Variants in ANLN observed in about 807,000 individuals in gnomAD.
ANLN encodes anillin, actin binding protein, also known as anillin.
In ANLN, 59 loss-of-function variants were observed where a neutral mutation model predicts 135.1. The ratio of observed to expected loss-of-function variants is 0.44; its 90% CI spans 0.35 to 0.54. The LOEUF (loss-of-function observed/expected upper bound fraction) is 0.54. Among genes scored for constraint, ANLN ranks in the 20% least tolerant of loss-of-function variants. ANLN has a pLI of 0.00. For missense variants in ANLN, 1,182 were observed against 1,340.0 expected (o/e 0.88, Z 1.84); for synonymous variants, 406 against 456.4 (o/e 0.89, Z 1.41).
At chr7:36,441,317 A>G (rs1051415949) in intron 21 of ANLN, among the ~76,000 whole-genome samples, 1 of 152,196 alleles carries the variant, frequency 6.6e-6, no homozygotes, top group Non-Finnish European at 1.5e-5. Flanking sequence ...CCTGTAGCCC[A>G]TTCTTCTCAC....
intron 8 of ANLN, 57 bp downstream of exon 8, chr7:36,415,941 T>G: frequency 7.2e-7 from 1 of 1,391,490 alleles, no homozygotes; most frequent in Non-Finnish European, 9.7e-7. Flanking sequence ...GATGTTTGTG[T>G]GTTGATTTTG....
intron 20 of ANLN, among the ~76,000 whole-genome samples, chr7:36,427,320 A>C (rs1442960802): frequency 6.6e-6 from 1 of 151,786 alleles, no homozygotes; most frequent in South Asian, 2.1e-4. Context: ...TTAAGTTTAT[A>C]ATTTTAAAAC....
At chr7:36,443,888 G>A (rs758784323) in intron 22 of ANLN, 26 bp downstream of exon 22, 6 of 1,506,200 alleles carry the variant, frequency 4.0e-6, no homozygotes, top group Admixed American at 1.9e-5. Context: ...CTGTTTAGTG[G>A]TGAAAGCCCT....
intron 3 of ANLN, 42 bp from the exon 4 acceptor site, chr7:36,406,139 T>C (rs747269218): frequency 6.5e-7 from 1 of 1,545,096 alleles, no homozygotes; most frequent in East Asian, 2.3e-5. Context: ...TAAGCATTAC[T>C]CTTAAACATG....
chr7:36,402,722 A>T (rs1787007449), intron 3 of ANLN, among the ~76,000 whole-genome samples: 2 of 151,954 alleles, frequency 1.3e-5, no homozygotes. Flanking sequence ...CATGTTACTT[A>T]CCTCTGCTTT....
rs70977138 is a variant in ANLN at position 36,417,674 on chromosome 7, C to CTTTTTTT, written c.1633+501_1633+507dup. Among the ~76,000 whole-genome samples, 349 of 97,264 alleles carry CTTTTTTT rather than the reference C, an allele frequency of 3.6e-3. 9 individuals are homozygous for CTTTTTTT. Among genetic ancestry groups the CTTTTTTT allele is most frequent in the Non-Finnish European group, 5.7e-3 (284 of 49,796 alleles). The allele number at this position is 97,264 out of a possible 152,430, so 63.8% of individuals were successfully genotyped here. Reference sequence around the variant, plus strand: ...TGCAAGTCCAGGCCTCTCAAACTTCCTTTTTTTTTTTTTTTTTTTTTTTGA... The same window carrying CTTTTTTT: ...TGCAAGTCCAGGCCTCTCAAACTTCCTTTTTTTTTTTTTTTTTTTTTTTTTTTTTTGA... On this transcript the variant is annotated intron_variant, in intron 9 of 23. Transcript: ENST00000265748.
At chr7:36,416,323 G>A (rs1787641462) in intron 8 of ANLN, among the ~76,000 whole-genome samples, 1 of 152,090 alleles carries the variant, frequency 6.6e-6, no homozygotes, top group Admixed American at 6.6e-5. Flanking sequence ...CCAGCCCAGG[G>A]TTTTCTACAT....
intron 12 of ANLN, among the ~76,000 whole-genome samples, chr7:36,421,352 G>A (rs964975774): frequency 2.6e-5 from 4 of 151,998 alleles, no homozygotes; most frequent in Non-Finnish European, 4.4e-5. Context: ...ACAGGCATGA[G>A]CCACCATGCC....
intron 9 of ANLN, among the ~76,000 whole-genome samples, chr7:36,418,917 C>A (rs1466899152): frequency 6.6e-6 from 1 of 151,972 alleles, no homozygotes. Flanking sequence ...CCACGCCTGG[C>A]TAATTTTTTT....
At chr7:36,394,791 G>A (rs974097004) in intron 1 of ANLN, among the ~76,000 whole-genome samples, 3 of 152,238 alleles carry the variant, frequency 2.0e-5, no homozygotes, top group Non-Finnish European at 4.4e-5. Flanking sequence ...GAGTATGCAA[G>A]GCAGTAATAA....
At chr7:36,451,614 C>G (rs1454507965) in intron 23 of ANLN, among the ~76,000 whole-genome samples, 1 of 152,162 alleles carries the variant, frequency 6.6e-6, no homozygotes, top group East Asian at 1.9e-4. Flanking sequence ...GTTTCCAGTA[C>G]ATGGAATGAG....
chr7:36,392,149 A>G (rs1786501871), intron 1 of ANLN, among the ~76,000 whole-genome samples: 2 of 152,222 alleles, frequency 1.3e-5, no homozygotes, highest in Non-Finnish European at 2.9e-5. Context: ...TATAATTAAA[A>G]TACTTCACAG....
intron 23 of ANLN, among the ~76,000 whole-genome samples, chr7:36,450,682 A>G (rs998875127): frequency 6.6e-6 from 1 of 152,154 alleles, no homozygotes; most frequent in East Asian, 1.9e-4. Context: ...TTTTAACTCA[A>G]TTATTTCAGG....
At chr7:36,447,600 A>T (rs183891724) in intron 22 of ANLN, among the ~76,000 whole-genome samples, 3,092 of 150,794 alleles carry the variant, frequency 0.021, 49 homozygotes, top group Middle Eastern at 0.058. Context: ...AATTTTTTGT[A>T]TTTTTTTAGT....
In ANLN at chr7:36,390,033, C is replaced by G. The variant is rs755053276; in HGVS notation, c.7C>G (p.Pro3Ala). The change falls in exon 1 of 24, where the codon CCG (proline) becomes GCG (alanine). Residue 3 changes from proline to alanine, a missense_variant. Physicochemically the swap from Pro to Ala is conservative, Grantham distance 27 (BLOSUM62 -1). Coordinates refer to ENST00000265748, the MANE Select transcript of ANLN (RefSeq NM_018685.5). ...TAGTCCGACGCCTGGGGCGATGGAT[C>G]CGTTTACGGAGGTGAGTGAGTTTGC... MD[P>A]FTEKLLERTR... is the part of the protein sequence containing the mutation. The G allele has an allele frequency of 6.2e-7, 1 of 1,614,034 alleles. No individual in the cohort carries two copies. The highest frequency in any genetic ancestry group is 1.1e-5 in the South Asian group (1 of 91,080).
intron 20 of ANLN, among the ~76,000 whole-genome samples, chr7:36,431,080 G>T (rs949760724): frequency 6.6e-6 from 1 of 152,006 alleles, no homozygotes; most frequent in Admixed American, 6.5e-5. Context: ...TCTGATTTTT[G>T]TTATCAGTAG....
intron 7 of ANLN, 26 bp downstream of exon 7, chr7:36,411,192 C>A (rs771559327): frequency 3.2e-6 from 5 of 1,556,378 alleles, no homozygotes; most frequent in Non-Finnish European, 4.4e-6. Flanking sequence ...AATATAAAAA[C>A]GAACTTGGTC....
In ANLN at chr7:36,409,481, G is replaced by A. The variant is rs190170259; in HGVS notation, c.1097-1033G>A. 1.0e-3 allele frequency among the ~76,000 whole-genome samples: 159 copies of A among 152,234 alleles called. 1 individual carries two copies. The highest frequency in any genetic ancestry group is 3.6e-3 in the African/African-American group (149 of 41,540). The stretch of plus-strand genomic sequence containing the variant: ...TGACAGAGGCCATATGGCCCACAAA[G>A]CTCAAAATATTTAGTGCCTGGCCCT... On this transcript the variant is annotated intron_variant, in intron 5 of 23. Coordinates refer to ENST00000265748, the MANE Select transcript of ANLN (RefSeq NM_018685.5).
rs368118434 is a variant in ANLN, at chr7:36,412,632, A to C, written c.1395+1466A>C. On this transcript the variant is annotated intron_variant, in intron 7 of 23. Coordinates refer to ENST00000265748, the MANE Select transcript of ANLN (RefSeq NM_018685.5). ...TGTGAGCCACCACACCCAGCCGAGA[A>C]ATATTTTTAAAAGACGCATATTCAT... Among the ~76,000 whole-genome samples the C allele has an allele frequency of 8.5e-5, 13 of 152,152 alleles. No homozygotes were observed. The South Asian group carries it at 1.9e-3, about 22-fold the overall frequency.
Sources: gnomAD v4.1 joint callset for allele counts (sites outside exome capture counted in the v4.1 genomes callset) on GRCh38, gnomAD v4.1.1 for gene constraint, MANE v1.5 for transcripts, NCBI Gene and HGNC (gene_info 2026-07-23, HGNC 2026-07-21) for gene names.